AADACL3: variants seen among roughly 807,000 people sequenced by gnomAD.
AADACL3 encodes the protein arylacetamide deacetylase-like 3.
AADACL3 carries 13 observed loss-of-function variants against 13.6 expected under a neutral mutation model. The observed-to-expected ratio is 0.95, with a 90% CI of 0.62 to 1.52. The LOEUF (loss-of-function observed/expected upper bound fraction) is 1.52. AADACL3 is among the 40% of genes most tolerant of loss of function. The pLI is 0.00. For synonymous variants in AADACL3, 195 were observed against 197.0 expected, an observed-to-expected ratio of 0.99 and a Z score of 0.08; for missense variants, 519 against 499.2, an observed-to-expected ratio of 1.04 and a Z score of -0.38.
At position 12,725,688 on chromosome 1, in the gene AADACL3, C is replaced by T; in HGVS notation, c.916C>T (p.Pro306Ser). 6.2e-7 allele frequency: 1 copy of T among 1,614,094 alleles called. No individual in the cohort carries two copies. The highest frequency in any genetic ancestry group is 8.5e-7 in the Non-Finnish European group (1 of 1,180,024). The change falls in exon 4 of 4, where the codon CCC (proline) becomes TCC (serine). Residue 306 changes from proline to serine, a missense_variant. Coordinates refer to ENST00000359318, the MANE Select transcript of AADACL3 (RefSeq NM_001103170.3). The part of the protein sequence containing the change: ...ERGYQLKPHE[P>S]MNEAAYLEVS... The stretch of plus-strand genomic sequence containing the variant: ...GGGTTACCAACTGAAGCCCCATGAG[C>T]CCATGAATGAAGCTGCTTACTTGGA...
chr1:12,725,023 G>T (rs996710977), intron 3 of AADACL3, among the ~76,000 whole-genome samples, 199 bp from the exon 4 acceptor site: 1 of 152,134 alleles, frequency 6.6e-6, no homozygotes, highest in Admixed American at 6.5e-5. Flanking sequence ...CCCCATTAGG[G>T]CATTGAGACA....
In AADACL3 at chr1:12,726,061, C is replaced by T; in HGVS notation, c.*65C>T. 1 of 1,529,310 alleles carries T rather than the reference C, an allele frequency of 6.5e-7. No homozygotes were observed. Among genetic ancestry groups the T allele is most frequent in the Non-Finnish European group, 8.8e-7 (1 of 1,135,056 alleles). 94.7% of individuals were successfully genotyped at this position (1,529,310 alleles called of 1,614,324 possible). A position where few individuals can be genotyped will look rare whatever the true frequency, so the allele number is the denominator to read the frequency against. ...CTGGCATCCAGCCTCCCACAGGGCT[C>T]TCTGTTGCTGATTTAGGTGGTGCAT... is the stretch of plus-strand genomic sequence containing the variant. On this transcript the variant is annotated 3_prime_UTR_variant, in exon 4 of 4. Transcript: ENST00000359318.
At chr1:12,718,354 C>T (rs1488085183) in intron 1 of AADACL3, among the ~76,000 whole-genome samples, 1 of 118,292 alleles carries the variant, frequency 8.5e-6, no homozygotes, top group Non-Finnish European at 1.6e-5. Flanking sequence ...GAGGCCTCTT[C>T]TCTCCAAAAA....
chr1:12,721,987 G>C (rs1638270199), intron 3 of AADACL3, among the ~76,000 whole-genome samples: 1 of 152,132 alleles, frequency 6.6e-6, no homozygotes, highest in Non-Finnish European at 1.5e-5. Context: ...ATCTCAGTGG[G>C]GGTACATCTG....
At chr1:12,724,728 G>C (rs922602309) in intron 3 of AADACL3, among the ~76,000 whole-genome samples, 2 of 152,080 alleles carry the variant, frequency 1.3e-5, no homozygotes. Flanking sequence ...TCAATGGATC[G>C]GCCCATCTCA....
chr1:12,725,580 G>A lies in AADACL3; in HGVS notation c.808G>A (p.Gly270Ser), dbSNP rs1029458443. ...SSSWQEVIMK[G>S]AHLPAEVWEK... ...CTCCTGGCAAGAGGTCATCATGAAA[G>A]GTGCCCATTTGCCTGCTGAAGTCTG... The change falls in exon 4 of 4, where the codon GGT (glycine) becomes AGT (serine). Residue 270 changes from glycine to serine, a missense_variant. Coordinates refer to ENST00000359318, the MANE Select transcript of AADACL3 (RefSeq NM_001103170.3). 11 of 1,613,896 alleles carry A rather than the reference G, an allele frequency of 6.8e-6. 1 individual carries two copies. The highest frequency in any genetic ancestry group is 5.5e-5 in the South Asian group (5 of 91,062).
chr1:12,722,325 T>C (rs972307259), intron 3 of AADACL3, among the ~76,000 whole-genome samples: 6 of 58,820 alleles, frequency 1.0e-4, no homozygotes, highest in African/African-American at 2.5e-4. Context: ...AGATTCCGTC[T>C]GAAAAAAAAA....
chr1:12,727,710 G>T lies in AADACL3; in HGVS notation c.*1714G>T, dbSNP rs1484275111. The T allele has an allele frequency of 6.6e-6, 1 of 152,266 alleles. No individual in the cohort carries two copies. Among genetic ancestry groups the T allele is most frequent in the Non-Finnish European group, 1.5e-5 (1 of 68,060 alleles). The allele number at this position is 152,266 out of a possible 1,614,324, so 9.4% of individuals were successfully genotyped here. On this transcript the variant is annotated 3_prime_UTR_variant, in exon 4 of 4. Transcript: ENST00000359318. ...TTCGCAGTTGACCAGCATGGGGTTT[G>T]TTGGAGAAATAGGAACCATCCCCTG...
intron 3 of AADACL3, among the ~76,000 whole-genome samples, chr1:12,724,635 C>T (rs1363554339): frequency 6.6e-6 from 1 of 152,082 alleles, no homozygotes; most frequent in Non-Finnish European, 1.5e-5. Context: ...CATGTATCCA[C>T]CACCATGCCC....
chr1:12,720,645 G>A (rs1396110287), intron 2 of AADACL3, among the ~76,000 whole-genome samples: 1 of 152,176 alleles, frequency 6.6e-6, no homozygotes, highest in Admixed American at 6.5e-5. Flanking sequence ...TACAGTCAAA[G>A]AGCTTCACAG....
chr1:12,728,750 A>G lies in AADACL3; in HGVS notation c.*2754A>G, dbSNP rs1346140101. On this transcript the variant is annotated 3_prime_UTR_variant, in exon 4 of 4. Transcript: ENST00000359318. The stretch of plus-strand genomic sequence containing the variant: ...TGGCAATTTCTTAAAATAAAATAAG[A>G]CAACAGTGGATTTGCCACATCAATG... The G allele has an allele frequency of 1.3e-5, 2 of 152,228 alleles. No individual in the cohort carries two copies. Among genetic ancestry groups the G allele is most frequent in the East Asian group, 1.9e-4 (1 of 5,198 alleles). The allele number at this position is 152,228 out of a possible 1,614,324, so 9.4% of individuals were successfully genotyped here. A position where few individuals can be genotyped will look rare whatever the true frequency, so the allele number is the denominator to read the frequency against.
At chr1:12,722,332 A>G (rs1328975669) in intron 3 of AADACL3, among the ~76,000 whole-genome samples, 1 of 121,840 alleles carries the variant, frequency 8.2e-6, no homozygotes, top group Admixed American at 7.8e-5. Context: ...GTCTGAAAAA[A>G]AAAAAAAAAA....
rs1351753132 is a variant in AADACL3, at chr1:12,725,675, G to A, written c.903G>A (p.Leu301=). The change falls in exon 4 of 4, where the codon CTG becomes CTA. Residue 301 remains leucine, a synonymous_variant. Transcript: ENST00000359318. ...GGTTTAAGGAGAGGGGTTACCAACT[G>A]AAGCCCCATGAGCCCATGAATGAAG... The part of the protein sequence containing the change: ...PERFKERGYQ[L]KPHEPMNEAA... 2 of 1,614,132 alleles carry A rather than the reference G, an allele frequency of 1.2e-6. No individual in the cohort carries two copies. Among genetic ancestry groups the A allele is most frequent in the Non-Finnish European group, 1.7e-6 (2 of 1,180,024 alleles).
rs1241958695 is a variant in AADACL3, at chr1:12,725,507, C to T, written c.735C>T (p.Thr245=). Reference sequence around the variant, plus strand: ...AGAGGAAAAACATCCCACTGCTCACCTGGAGTTTCATCTGCTACTTTTTTT... The same window carrying T: ...AGAGGAAAAACATCCCACTGCTCACTTGGAGTTTCATCTGCTACTTTTTTT... ...FQQRKNIPLL[T]WSFICYFFFQ... is the part of the protein sequence containing the mutation. The change falls in exon 4 of 4, where the codon ACC becomes ACT. Residue 245 remains threonine, a synonymous_variant. Transcript: ENST00000359318. 1 of 1,614,072 alleles carries T rather than the reference C, an allele frequency of 6.2e-7. No individual in the cohort carries two copies. Among genetic ancestry groups the T allele is most frequent in the Non-Finnish European group, 8.5e-7 (1 of 1,180,046 alleles).
At position 12,719,462 on chromosome 1, in the gene AADACL3, C is replaced by T. The variant is rs372017787; in HGVS notation, c.169-13C>T. ...AACCCATCTCGACCCATCATTTCTT[C>T]TCTCTCCAACAGGGGATGATATTTG... On this transcript the variant is annotated splice_polypyrimidine_tract_variant and intron_variant, in intron 1 of 3. Coordinates refer to ENST00000359318, the MANE Select transcript of AADACL3 (RefSeq NM_001103170.3). The T allele has an allele frequency of 1.2e-6, 2 of 1,610,966 alleles. No homozygotes were observed. Among genetic ancestry groups the T allele is most frequent in the Non-Finnish European group, 8.5e-7 (1 of 1,177,160 alleles).
At position 12,727,340 on chromosome 1, in the gene AADACL3, GGGTAAAT is replaced by G; in HGVS notation, c.*1348_*1354del. On this transcript the variant is annotated 3_prime_UTR_variant, in exon 4 of 4. Coordinates refer to ENST00000359318, the MANE Select transcript of AADACL3 (RefSeq NM_001103170.3). ...TGACAACGTTCCTAATTGAAGGGTA[GGGTAAAT>G]GGTTGTTGGGTGGACACCAACACTT... 6.6e-6 allele frequency: 1 copy of G among 152,216 alleles called. No individual in the cohort carries two copies. The highest frequency in any genetic ancestry group is 1.5e-5 in the Non-Finnish European group (1 of 68,050). The allele number at this position is 152,216 out of a possible 1,614,324, so 9.4% of individuals were successfully genotyped here.
Position 12,726,272 on chromosome 1 carries a change from A to T in AADACL3, c.*276A>T, listed in dbSNP as rs1439638293. On this transcript the variant is annotated 3_prime_UTR_variant, in exon 4 of 4. Coordinates refer to ENST00000359318, the MANE Select transcript of AADACL3 (RefSeq NM_001103170.3). Reference sequence around the variant, plus strand: ...ACAATATTCAGTGGCCATTTGTGGGAGTGAATCAGCCGGTAAGAGCTGTTC... The same window carrying T: ...ACAATATTCAGTGGCCATTTGTGGGTGTGAATCAGCCGGTAAGAGCTGTTC... The T allele has an allele frequency of 2.2e-6, 1 of 455,656 alleles. No homozygotes were observed. The highest frequency in any genetic ancestry group is 3.9e-6 in the Non-Finnish European group (1 of 255,440). 28.2% of individuals were successfully genotyped at this position (455,656 alleles called of 1,614,324 possible).
At chr1:12,720,845 G>T in intron 2 of AADACL3, 38 bp from the exon 3 acceptor site, 1 of 1,579,660 alleles carries the variant, frequency 6.3e-7, no homozygotes, top group Non-Finnish European at 8.7e-7. Flanking sequence ...GGCAAAGGAA[G>T]CCTTCCTAGT....
At chr1:12,718,253 T>C (rs1648481682) in intron 1 of AADACL3, among the ~76,000 whole-genome samples, 1 of 150,514 alleles carries the variant, frequency 6.6e-6, no homozygotes, top group Admixed American at 6.7e-5. Flanking sequence ...CTGGGTGTAG[T>C]GGCTTACACC....
Sources: gnomAD v4.1 joint callset for allele counts (sites outside exome capture counted in the v4.1 genomes callset) on GRCh38, gnomAD v4.1.1 for gene constraint, MANE v1.5 for transcripts, NCBI Gene and HGNC (gene_info 2026-07-23, HGNC 2026-07-21) for gene names.